The following C8orf34 variants were observed in gnomAD, a reference collection of about 807,000 sequenced individuals.
C8orf34 encodes chromosome 8 open reading frame 34.
C8orf34 carries 65 observed loss-of-function variants against 68.3 expected under a neutral mutation model. That is an observed-to-expected ratio of 0.95 (90% CI 0.78 to 1.17). The LOEUF is 1.17. Ranked by LOEUF, C8orf34 falls within the 50% of genes most tolerant of loss-of-function variation. The pLI is 0.00. For synonymous variants in C8orf34, 244 were observed against 241.2 expected (o/e 1.01, Z -0.11); for missense variants, 664 against 655.4 (o/e 1.01, Z -0.14).
intron 1 of C8orf34, 173 bp downstream of exon 1, chr8:68,331,512 T>C: frequency 1.3e-6 from 1 of 745,300 alleles, no homozygotes; most frequent in Admixed American, 2.2e-5. Flanking sequence ...CCAGGTGTCC[T>C]GGAACGCGGC....
At chr8:68,650,970 C>G (rs1479785492) in intron 8 of C8orf34, among the ~76,000 whole-genome samples, 1 of 152,168 alleles carries the variant, frequency 6.6e-6, no homozygotes, top group Non-Finnish European at 1.5e-5. Flanking sequence ...TCTATGTTTG[C>G]AGCTCAATTT....
intron 1 of C8orf34, among the ~76,000 whole-genome samples, chr8:68,415,182 A>T (rs1809612131): frequency 6.6e-6 from 1 of 152,150 alleles, no homozygotes; most frequent in African/African-American, 2.4e-5. Context: ...ATAAAGAAAG[A>T]TAAAAGTGTA....
intron 8 of C8orf34, among the ~76,000 whole-genome samples, chr8:68,703,443 C>A (rs959026231): frequency 6.6e-6 from 1 of 152,062 alleles, no homozygotes; most frequent in East Asian, 1.9e-4. Context: ...TGCCTCACCT[C>A]TTCTTGACAA....
At chr8:68,415,725 A>G (rs1809637228) in intron 1 of C8orf34, among the ~76,000 whole-genome samples, 1 of 152,202 alleles carries the variant, frequency 6.6e-6, no homozygotes, top group Admixed American at 6.5e-5. Flanking sequence ...TACTTCACAC[A>G]GAGTGATGCT....
At chr8:68,541,794 T>C (rs1301642047) in intron 7 of C8orf34, among the ~76,000 whole-genome samples, 2 of 152,184 alleles carry the variant, frequency 1.3e-5, no homozygotes, top group East Asian at 1.9e-4. Flanking sequence ...TTCCCTAATG[T>C]GTTAGAATGA....
chr8:68,475,295 A>C (rs369822267), intron 4 of C8orf34, among the ~76,000 whole-genome samples: 3 of 152,110 alleles, frequency 2.0e-5, no homozygotes, highest in African/African-American at 7.2e-5. Context: ...TTGTGCTTCT[A>C]TACTTTTCTC....
chr8:68,446,676 C>T (rs1044422326), intron 3 of C8orf34: 1 of 538,138 alleles, frequency 1.9e-6, no homozygotes, highest in Non-Finnish European at 3.2e-6. Flanking sequence ...TTCACTTGGA[C>T]CCTTTTGAGT....
intron 4 of C8orf34, among the ~76,000 whole-genome samples, chr8:68,485,022 A>G (rs951406551): frequency 1.3e-5 from 2 of 152,234 alleles, no homozygotes; most frequent in African/African-American, 4.8e-5. Context: ...CAAGTTTTCC[A>G]TTTAGCTAGT....
At chr8:68,412,063 G>A (rs1260294741) in intron 1 of C8orf34, among the ~76,000 whole-genome samples, 1 of 152,184 alleles carries the variant, frequency 6.6e-6, no homozygotes, top group African/African-American at 2.4e-5. Context: ...CATCTATGAG[G>A]CATAGGTCCT....
chr8:68,676,933 G>A lies in C8orf34; in HGVS notation c.1242-32061G>A, dbSNP rs567643962. 2.3e-3 allele frequency among the ~76,000 whole-genome samples: 348 copies of A among 152,252 alleles called. 2 individuals carry two copies. The highest frequency in any genetic ancestry group is 3.6e-3 in the Non-Finnish European group (245 of 68,020). ...ACTCCCATTTTTAAAACCATCAGCT[G>A]TCTTGAGACCCATTCACTATCATGA... On this transcript the variant is annotated intron_variant, in intron 8 of 13. Transcript: ENST00000518698.
At chr8:68,368,310 A>T (rs1032331800) in intron 1 of C8orf34, among the ~76,000 whole-genome samples, 1 of 152,150 alleles carries the variant, frequency 6.6e-6, no homozygotes, top group African/African-American at 2.4e-5. Flanking sequence ...GTAAAGAGGC[A>T]TATTGTTTGC....
intron 12 of C8orf34, chr8:68,792,571 C>CAAAAAAAAAA (rs1162293308): frequency 3.8e-4 from 16 of 42,294 alleles, no homozygotes; most frequent in Non-Finnish European, 5.5e-4. Context: ...GACTCCATCT[C>CAAAAAAAAAA]AAAAAAAAAA....
chr8:68,689,611 T>C (rs1344728776), intron 8 of C8orf34, among the ~76,000 whole-genome samples: 1 of 152,024 alleles, frequency 6.6e-6, no homozygotes, highest in Non-Finnish European at 1.5e-5. Context: ...TTACTTAATA[T>C]AGAATACTAT....
At position 68,697,499 on chromosome 8, in the gene C8orf34, A is replaced by G. The variant is rs749091145; in HGVS notation, c.1242-11495A>G. On this transcript the variant is annotated intron_variant, in intron 8 of 13. Coordinates refer to ENST00000518698, the MANE Select transcript of C8orf34 (RefSeq NM_052958.4). Reference sequence around the variant, plus strand: ...AGTGTGAGCATTCTGATCTTTAACCATAGTTGTTAGAATGATAGACTTAGT... The same window carrying G: ...AGTGTGAGCATTCTGATCTTTAACCGTAGTTGTTAGAATGATAGACTTAGT... 4.6e-5 allele frequency among the ~76,000 whole-genome samples: 7 copies of G among 152,056 alleles called. No individual in the cohort carries two copies. The South Asian group carries it at 6.2e-4, about 13-fold the overall frequency.
intron 12 of C8orf34, among the ~76,000 whole-genome samples, chr8:68,803,635 G>A (rs541757476): frequency 1.3e-5 from 2 of 151,984 alleles, no homozygotes; most frequent in East Asian, 1.9e-4. Flanking sequence ...AAATTTCTAC[G>A]ATAATCAGGA....
At chr8:68,522,981 T>C (rs1814823312) in intron 6 of C8orf34, among the ~76,000 whole-genome samples, 2 of 152,174 alleles carry the variant, frequency 1.3e-5, no homozygotes, top group Admixed American at 1.3e-4. Context: ...TGTAATAGCT[T>C]TCAGGGGTTC....
At chr8:68,513,444 C>T (rs193144215) in intron 5 of C8orf34, among the ~76,000 whole-genome samples, 82 of 152,238 alleles carry the variant, frequency 5.4e-4, no homozygotes, top group Middle Eastern at 3.4e-3. Context: ...GCCTTGCCAC[C>T]GGAGTTACAA....
chr8:68,610,973 T>C (rs1049755945), intron 7 of C8orf34, among the ~76,000 whole-genome samples: 3 of 151,006 alleles, frequency 2.0e-5, no homozygotes, highest in African/African-American at 7.3e-5. Context: ...CAAGCTATTC[T>C]CCTGCCTCAG....
At chr8:68,416,318 C>A (rs1809663166) in intron 1 of C8orf34, among the ~76,000 whole-genome samples, 1 of 152,062 alleles carries the variant, frequency 6.6e-6, no homozygotes, top group Admixed American at 6.6e-5. Context: ...TCAATATGTT[C>A]TATAATTTGC....
Sources: gnomAD v4.1 joint callset for allele counts (sites outside exome capture counted in the v4.1 genomes callset) on GRCh38, gnomAD v4.1.1 for gene constraint, MANE v1.5 for transcripts, NCBI Gene and HGNC (gene_info 2026-07-23, HGNC 2026-07-21) for gene names.